MED13L: variants seen among roughly 807,000 people sequenced by gnomAD.
The protein encoded by MED13L is mediator complex subunit 13L.
In MED13L, 7 loss-of-function variants were observed where a neutral mutation model predicts 220.9. The ratio of observed to expected loss-of-function variants is 0.03; its 90% CI spans 0.02 to 0.06. The LOEUF is 0.06. MED13L is among the 10% of genes least tolerant of loss of function. The pLI, the probability that MED13L is intolerant of heterozygous loss-of-function variation, is 1.00. For synonymous variants in MED13L, 1,011 were observed against 1,015.2 expected (o/e 1.00, Z 0.08); for missense variants, 1,965 against 2,760.5 (o/e 0.71, Z 6.46).
chr12:115,958,929 T>TC lies in MED13L; in HGVS notation c.*2336dup, dbSNP rs1468381551. 2.0e-5 allele frequency: 3 copies of TC among 152,386 alleles called. No homozygotes were observed. The highest frequency in any genetic ancestry group is 2.9e-5 in the Non-Finnish European group (2 of 67,972). The allele number at this position is 152,386 out of a possible 1,614,324, so 9.4% of individuals were successfully genotyped here. On this transcript the variant is annotated 3_prime_UTR_variant, in exon 31 of 31. Coordinates refer to ENST00000281928, the MANE Select transcript of MED13L (RefSeq NM_015335.5). ...AGCATGCTGGACAATCCCACCCTTT[T>TC]CCCCTCCCCATTTCCCCTTTTTTTG...
chr12:116,038,695 C>G (rs1009195201), intron 4 of MED13L, among the ~76,000 whole-genome samples: 1 of 125,548 alleles, frequency 8.0e-6, no homozygotes, highest in Non-Finnish European at 1.6e-5. Flanking sequence ...TGCTGCCCTT[C>G]ATCAGGTCAA....
At chr12:116,207,472 G>A (rs1445029167) in intron 2 of MED13L, among the ~76,000 whole-genome samples, 2 of 152,156 alleles carry the variant, frequency 1.3e-5, no homozygotes, top group Non-Finnish European at 2.9e-5. Flanking sequence ...TTCACACAAT[G>A]ATGACATCAC....
chr12:116,202,926 A>G (rs927762911), intron 2 of MED13L, among the ~76,000 whole-genome samples: 2 of 152,254 alleles, frequency 1.3e-5, no homozygotes, highest in African/African-American at 4.8e-5. Flanking sequence ...GAGAAATCAC[A>G]AAGTTTTACA....
chr12:115,990,992 A>G, intron 17 of MED13L, 28 bp downstream of exon 17: 1 of 1,605,584 alleles, frequency 6.2e-7, no homozygotes, highest in Non-Finnish European at 8.5e-7. Flanking sequence ...ATACTCCTCA[A>G]AGTAAATTTG....
intron 3 of MED13L, among the ~76,000 whole-genome samples, chr12:116,098,001 T>G (rs890142842): frequency 2.0e-5 from 3 of 152,170 alleles, no homozygotes; most frequent in Admixed American, 6.5e-5. Context: ...TCCCAGCACT[T>G]TGGGAAGCCG....
chr12:116,030,906 GGCT>G (rs1351321895), intron 4 of MED13L, among the ~76,000 whole-genome samples: 10 of 152,020 alleles, frequency 6.6e-5, no homozygotes, highest in Non-Finnish European at 1.2e-4. Context: ...AAATTTTCAA[GGCT>G]CAACCCATTT....
intron 2 of MED13L, among the ~76,000 whole-genome samples, chr12:116,222,829 C>A (rs567749095): frequency 6.6e-6 from 1 of 152,288 alleles, no homozygotes; most frequent in East Asian, 1.9e-4. Context: ...AACCCAAAGG[C>A]TATTTTGATA....
intron 17 of MED13L, among the ~76,000 whole-genome samples, chr12:115,990,225 G>C (rs1370400121): frequency 1.3e-5 from 2 of 152,180 alleles, no homozygotes; most frequent in Non-Finnish European, 2.9e-5. Context: ...CTGAGCAAAT[G>C]TTACTACTTC....
chr12:116,203,386 CTTTTG>C (rs1882121474), intron 2 of MED13L, among the ~76,000 whole-genome samples: 1 of 149,866 alleles, frequency 6.7e-6, no homozygotes, highest in African/African-American at 2.4e-5. Context: ...TTTTCTGAAG[CTTTTG>C]TTTTAAAAGG....
At chr12:116,117,434 T>C (rs1024800728) in intron 2 of MED13L, among the ~76,000 whole-genome samples, 1 of 152,178 alleles carries the variant, frequency 6.6e-6, no homozygotes, top group Non-Finnish European at 1.5e-5. Flanking sequence ...ATTTACTAAA[T>C]ATGGTAAACT....
At chr12:115,994,308 G>A (rs2137318324) in intron 16 of MED13L, among the ~76,000 whole-genome samples, 1 of 152,184 alleles carries the variant, frequency 6.6e-6, no homozygotes, top group African/African-American at 2.4e-5. Flanking sequence ...AAATTAGCTG[G>A]GTGTGGTGGC....
intron 4 of MED13L, among the ~76,000 whole-genome samples, chr12:116,032,950 A>G (rs1158352989): frequency 6.6e-6 from 1 of 152,100 alleles, no homozygotes; most frequent in African/African-American, 2.4e-5. Flanking sequence ...TAGAGCAGAG[A>G]GGGAGAAGAA....
chr12:116,066,634 G>T (rs1051784360), intron 4 of MED13L, among the ~76,000 whole-genome samples: 5 of 151,882 alleles, frequency 3.3e-5, no homozygotes, highest in African/African-American at 1.2e-4. Flanking sequence ...TGAGAATCCT[G>T]TAACACTATG....
At chr12:116,205,537 A>G (rs1882260648) in intron 2 of MED13L, among the ~76,000 whole-genome samples, 2 of 151,420 alleles carry the variant, frequency 1.3e-5, no homozygotes, top group Admixed American at 1.3e-4. Context: ...GAAGAGAAAA[A>G]AAAAAAAAAA....
At chr12:116,087,174 C>A (rs1459955550) in intron 4 of MED13L, among the ~76,000 whole-genome samples, 1 of 152,074 alleles carries the variant, frequency 6.6e-6, no homozygotes, top group Non-Finnish European at 1.5e-5. Context: ...CTACTAATAG[C>A]AAACAGCTAC....
chr12:116,175,985 G>A (rs1248776522), intron 2 of MED13L, among the ~76,000 whole-genome samples: 1 of 152,182 alleles, frequency 6.6e-6, no homozygotes, highest in Non-Finnish European at 1.5e-5. Context: ...AGTCTGGCTA[G>A]AGATGGTATC....
At chr12:116,119,464 T>A (rs770167632) in intron 2 of MED13L, among the ~76,000 whole-genome samples, 2 of 152,118 alleles carry the variant, frequency 1.3e-5, no homozygotes, top group Non-Finnish European at 2.9e-5. Context: ...AATATTCTTT[T>A]AATCAACTCC....
At chr12:116,161,685 C>G (rs1489644505) in intron 2 of MED13L, among the ~76,000 whole-genome samples, 1 of 152,082 alleles carries the variant, frequency 6.6e-6, no homozygotes, top group African/African-American at 2.4e-5. Context: ...CTGACTAAAA[C>G]ACATAGGAGG....
At chr12:116,043,915 CTAAT>C (rs780339264) in intron 4 of MED13L, among the ~76,000 whole-genome samples, 75 of 152,304 alleles carry the variant, frequency 4.9e-4, no homozygotes, top group South Asian at 1.0e-3. Flanking sequence ...ACTCAGAAGC[CTAAT>C]TAATAGGGTT....
Sources: allele counts gnomAD v4.1 joint callset (sites outside exome capture counted in the v4.1 genomes callset), GRCh38; gene constraint gnomAD v4.1.1; transcripts MANE v1.5; gene names NCBI Gene and HGNC (gene_info 2026-07-23, HGNC 2026-07-21).